ICA1: variants seen among roughly 807,000 people sequenced by gnomAD.
ICA1 encodes the protein 69 kDa islet cell autoantigen.
Under a neutral mutation model 71.0 loss-of-function variants are expected in ICA1, and 40 were observed. That is an observed-to-expected ratio of 0.56 (90% CI 0.44 to 0.73). ICA1 has a LOEUF of 0.73. ICA1 is among the 30% of genes least tolerant of loss of function. ICA1 has a pLI of 0.00. For synonymous variants in ICA1, 207 were observed against 209.5 expected (o/e 0.99, Z 0.10); for missense variants, 578 against 576.5 (o/e 1.00, Z -0.03).
rs150552349 is a variant in ICA1, at chr7:8,208,387, A to G, written c.579+9918T>C. On this transcript the variant is annotated intron_variant, in intron 6 of 13. Coordinates refer to ENST00000402384, the MANE Select transcript of ICA1 (RefSeq NM_001136020.3). ...ATAAAACCCATGCTCTATTTTGTATATGTAAGTAAATCACCATATTTTAAA... is the reference window on the plus strand; with the variant it reads ...ATAAAACCCATGCTCTATTTTGTATGTGTAAGTAAATCACCATATTTTAAA... Among the ~76,000 whole-genome samples the G allele has an allele frequency of 6.3e-3, 924 of 147,452 alleles. 5 individuals carry two copies. Among genetic ancestry groups the G allele is most frequent in the African/African-American group, 0.021 (856 of 40,774 alleles).
At chr7:8,151,460 C>G (rs927890535) in intron 8 of ICA1, among the ~76,000 whole-genome samples, 3 of 152,204 alleles carry the variant, frequency 2.0e-5, no homozygotes, top group Non-Finnish European at 4.4e-5. Flanking sequence ...TTCCAATGAT[C>G]TGGCCTGGAG....
At chr7:8,158,487 T>C (rs1802522882) in intron 7 of ICA1, 40 bp downstream of exon 7, 2 of 1,610,278 alleles carry the variant, frequency 1.2e-6, no homozygotes, top group African/African-American at 2.7e-5. Context: ...TTAAACCTTG[T>C]GCCATCCTTG....
intron 1 of ICA1, among the ~76,000 whole-genome samples, chr7:8,253,924 C>T (rs1469633185): frequency 1.3e-5 from 2 of 152,150 alleles, no homozygotes; most frequent in East Asian, 1.9e-4. Context: ...TGAAATTGCA[C>T]GTAAGCATAA....
intron 6 of ICA1, among the ~76,000 whole-genome samples, chr7:8,212,507 G>GC (rs1554346110): frequency 6.6e-6 from 1 of 152,162 alleles, no homozygotes; most frequent in Non-Finnish European, 1.5e-5. Context: ...GGAGGTTGCA[G>GC]TGAGCTGAGA....
chr7:8,209,734 C>T (rs557032759), intron 6 of ICA1, among the ~76,000 whole-genome samples: 15 of 58,210 alleles, frequency 2.6e-4, no homozygotes, highest in Admixed American at 1.0e-3. Flanking sequence ...TTTGGGAAGT[C>T]GGCAAAGGCT....
chr7:8,225,922 A>G (rs1028097023), intron 4 of ICA1, among the ~76,000 whole-genome samples: 13 of 152,206 alleles, frequency 8.5e-5, no homozygotes, highest in African/African-American at 3.1e-4. Context: ...CAAATTTACC[A>G]ATGAGAGTAC....
At chr7:8,131,990 A>T (rs909688393) in intron 12 of ICA1, among the ~76,000 whole-genome samples, 1 of 152,232 alleles carries the variant, frequency 6.6e-6, no homozygotes, top group East Asian at 1.9e-4. Flanking sequence ...TTAAAGGATG[A>T]ACAAGGGTTG....
intron 13 of ICA1, among the ~76,000 whole-genome samples, chr7:8,121,979 A>G (rs745646155): frequency 1.4e-4 from 22 of 152,186 alleles, no homozygotes; most frequent in Non-Finnish European, 3.1e-4. Context: ...GTTGTCATGG[A>G]CTTGGGGAGC....
At chr7:8,141,698 A>C in intron 10 of ICA1, 67 bp downstream of exon 10, 1 of 1,022,428 alleles carries the variant, frequency 9.8e-7, no homozygotes, top group South Asian at 1.5e-5. Context: ...TCAAAAAGTA[A>C]AATGACTTGG....
At chr7:8,179,614 A>G (rs1336456313) in intron 6 of ICA1, among the ~76,000 whole-genome samples, 1 of 152,190 alleles carries the variant, frequency 6.6e-6, no homozygotes, top group Non-Finnish European at 1.5e-5. Context: ...AAAATTCTTC[A>G]GTGTTTTCTT....
intron 13 of ICA1, among the ~76,000 whole-genome samples, chr7:8,122,083 C>T (rs1787190667): frequency 6.6e-6 from 1 of 152,094 alleles, no homozygotes; most frequent in Admixed American, 6.5e-5. Context: ...AGAAGTTAGC[C>T]AGGTCAGACA....
At chr7:8,180,839 T>C (rs10261810) in intron 6 of ICA1, among the ~76,000 whole-genome samples, 3,596 of 146,972 alleles carry the variant, frequency 0.024, 138 homozygotes, top group African/African-American at 0.085. Flanking sequence ...CTCTCTCTCT[T>C]TTTTTTTTTT....
At chr7:8,245,670 A>T (rs1805722478) in intron 1 of ICA1, among the ~76,000 whole-genome samples, 2 of 152,166 alleles carry the variant, frequency 1.3e-5, no homozygotes, top group African/African-American at 4.8e-5. Context: ...AATATATCTA[A>T]ATTATTATTT....
At chr7:8,163,183 T>C (rs997570410) in intron 6 of ICA1, among the ~76,000 whole-genome samples, 7 of 152,248 alleles carry the variant, frequency 4.6e-5, no homozygotes, top group African/African-American at 1.7e-4. Flanking sequence ...AGCCCTTCTC[T>C]GTACTTATTC....
rs142160470 is a variant in ICA1 at position 8,177,175 on chromosome 7, A to G, written c.580-18523T>C. 1.2e-4 allele frequency among the ~76,000 whole-genome samples: 18 copies of G among 152,348 alleles called. No individual in the cohort carries two copies. The East Asian group carries it at 3.1e-3, about 26-fold the overall frequency. On this transcript the variant is annotated intron_variant, in intron 6 of 13. Transcript: ENST00000402384. ...CATCCGTTGATGTATGATCACAGAGAAAAAGGTCTTCTATTTTCGAGCCCA... is the reference window on the plus strand; with the variant it reads ...CATCCGTTGATGTATGATCACAGAGGAAAAGGTCTTCTATTTTCGAGCCCA...
chr7:8,196,496 T>G (rs1369258142), intron 6 of ICA1, among the ~76,000 whole-genome samples: 1 of 152,108 alleles, frequency 6.6e-6, no homozygotes, highest in Non-Finnish European at 1.5e-5. Flanking sequence ...TAATGTAAAC[T>G]CTAGACTTTG....
At chr7:8,134,493 T>C (rs1291901035) in intron 12 of ICA1, among the ~76,000 whole-genome samples, 1 of 152,198 alleles carries the variant, frequency 6.6e-6, no homozygotes, top group African/African-American at 2.4e-5. Context: ...TCACTTAATT[T>C]ACCTTCATCT....
chr7:8,166,892 T>C (rs953838578), intron 6 of ICA1, among the ~76,000 whole-genome samples: 2 of 3,788 alleles, frequency 5.3e-4, no homozygotes, highest in African/African-American at 4.8e-3. Context: ...ATGCTCAACA[T>C]CACTAATCAT....
At chr7:8,232,837 T>C (rs1025473384) in intron 2 of ICA1, 82 bp from the exon 3 acceptor site, 1 of 1,218,930 alleles carries the variant, frequency 8.2e-7, no homozygotes, top group Non-Finnish European at 1.1e-6. Flanking sequence ...TCTTTAAACA[T>C]GACTTTCCAT....
Sources: gnomAD v4.1 joint callset for allele counts (sites outside exome capture counted in the v4.1 genomes callset) on GRCh38, gnomAD v4.1.1 for gene constraint, MANE v1.5 for transcripts, NCBI Gene and HGNC (gene_info 2026-07-23, HGNC 2026-07-21) for gene names.